The following SRPK2 variants were observed in gnomAD, a reference collection of about 807,000 sequenced individuals.
The protein encoded by SRPK2 is SRSF protein kinase 2, also known as SFRS protein kinase 2.
SRPK2 carries 21 observed loss-of-function variants against 90.8 expected under a neutral mutation model. The observed-to-expected ratio is 0.23, with a 90% CI of 0.16 to 0.33. The LOEUF is 0.33. Among genes scored for constraint, SRPK2 ranks in the 10% least tolerant of loss-of-function variants. The pLI is 1.00. For synonymous variants in SRPK2, 288 were observed against 311.1 expected, an observed-to-expected ratio of 0.93 and a Z score of 0.78; for missense variants, 620 against 869.0, an observed-to-expected ratio of 0.71 and a Z score of 3.60.
intron 2 of SRPK2, among the ~76,000 whole-genome samples, chr7:105,325,211 C>T (rs1344508517): frequency 6.6e-6 from 1 of 152,088 alleles, no homozygotes; most frequent in East Asian, 1.9e-4. Flanking sequence ...CACTAAAGAG[C>T]ACCTTTGAAA....
At position 105,133,093 on chromosome 7, in the gene SRPK2, C is replaced by A; in HGVS notation, c.1555G>T (p.Ala519Ser). Residue 519 changes from alanine (A) to serine (S), a missense_variant, in exon 12 of 16, where the codon GCA becomes TCA. By Grantham distance (99) the Ala-to-Ser change is moderately conservative. Coordinates refer to ENST00000393651, the MANE Select transcript of SRPK2 (RefSeq NM_182692.3). The stretch of plus-strand genomic sequence containing the variant: ...AGGGGATTCACCAACAAGTCAGCTG[C>A]CCGGGTTTTTGCTGGCATGAGCAAA... ...TGDLPKAKTR[A>S]ADLLVNPLDP... 1 of 1,614,164 alleles carries A rather than the reference C, an allele frequency of 6.2e-7. No individual in the cohort carries two copies. Among genetic ancestry groups the A allele is most frequent in the Non-Finnish European group, 8.5e-7 (1 of 1,180,026 alleles).
At chr7:105,211,585 C>T (rs1796870728) in intron 2 of SRPK2, among the ~76,000 whole-genome samples, 1 of 152,020 alleles carries the variant, frequency 6.6e-6, no homozygotes. Flanking sequence ...GTGCTACACA[C>T]TTTTAGAACA....
intron 2 of SRPK2, among the ~76,000 whole-genome samples, chr7:105,336,262 C>G (rs1390497134): frequency 6.6e-6 from 1 of 152,132 alleles, no homozygotes; most frequent in Non-Finnish European, 1.5e-5. Flanking sequence ...TACTAAACTA[C>G]TATGATAAAT....
intron 2 of SRPK2, among the ~76,000 whole-genome samples, chr7:105,273,187 C>A (rs1158846504): frequency 6.6e-6 from 1 of 151,638 alleles, no homozygotes; most frequent in African/African-American, 2.4e-5. Context: ...TGCACTCCAA[C>A]CTGGGTGACA....
downstream of SRPK2, chr7:105,115,144 T>C (rs1354617327): frequency 6.6e-6 from 1 of 152,216 alleles, no homozygotes; most frequent in Non-Finnish European, 1.5e-5. Context: ...TGATGAAGTA[T>C]ATACTCTAAA....
At chr7:105,298,478 T>C (rs1810134514) in intron 2 of SRPK2, among the ~76,000 whole-genome samples, 1 of 152,192 alleles carries the variant, frequency 6.6e-6, no homozygotes, top group African/African-American at 2.4e-5. Flanking sequence ...GAACCTAAGT[T>C]TCTGTTTCAC....
chr7:105,230,954 C>T (rs1799354011), intron 2 of SRPK2, among the ~76,000 whole-genome samples: 1 of 152,030 alleles, frequency 6.6e-6, no homozygotes, highest in South Asian at 2.1e-4. Flanking sequence ...TTTATTTTAA[C>T]TTTTAGGTTC....
chr7:105,239,435 T>C (rs747492087), intron 2 of SRPK2, among the ~76,000 whole-genome samples: 3 of 152,220 alleles, frequency 2.0e-5, no homozygotes, highest in African/African-American at 4.8e-5. Context: ...ACAAAGGACA[T>C]TTTTCCTAAA....
intron 2 of SRPK2, among the ~76,000 whole-genome samples, chr7:105,335,800 C>A (rs1018909909): frequency 2.0e-5 from 3 of 151,094 alleles, no homozygotes; most frequent in Admixed American, 1.3e-4. Flanking sequence ...CTAAAAAAAA[C>A]AAAAAATTAG....
intron 2 of SRPK2, among the ~76,000 whole-genome samples, chr7:105,324,008 T>TGG (rs1813257445): frequency 6.7e-6 from 1 of 148,630 alleles, no homozygotes; most frequent in East Asian, 2.0e-4. Flanking sequence ...TGTGTGTGTG[T>TGG]GTGTGTGTGG....
chr7:105,120,022 A>G (rs1272924261), intron 15 of SRPK2, among the ~76,000 whole-genome samples: 1 of 152,250 alleles, frequency 6.6e-6, no homozygotes, highest in African/African-American at 2.4e-5. Flanking sequence ...GCTCATTAAG[A>G]TGGAAATCAA....
intron 2 of SRPK2, among the ~76,000 whole-genome samples, chr7:105,382,108 C>G (rs571346822): frequency 6.6e-6 from 1 of 151,748 alleles, no homozygotes; most frequent in Non-Finnish European, 1.5e-5. Flanking sequence ...GTGGCAGGTG[C>G]AGTGAGCCAT....
At chr7:105,238,304 G>C (rs1268804682) in intron 2 of SRPK2, among the ~76,000 whole-genome samples, 1 of 152,188 alleles carries the variant, frequency 6.6e-6, no homozygotes, top group Non-Finnish European at 1.5e-5. Context: ...AAAAGATGCT[G>C]AGAAAAGTCT....
At chr7:105,114,760 C>CTATT (rs554188776), downstream of SRPK2, among the ~76,000 whole-genome samples, 6 of 152,160 alleles carry the variant, frequency 3.9e-5, no homozygotes, top group Admixed American at 1.3e-4. Flanking sequence ...CTTTGAACCT[C>CTATT]TATTTATTTC....
chr7:105,388,979 GCCC>G, upstream of SRPK2: 1 of 1,058,932 alleles, frequency 9.4e-7, no homozygotes, highest in Non-Finnish European at 1.1e-6. Context: ...CCCCCGTCCG[GCCC>G]CGCCCCCGCC....
At chr7:105,385,348 TTTTG>T (rs1333535533) in intron 2 of SRPK2, among the ~76,000 whole-genome samples, 3 of 150,096 alleles carry the variant, frequency 2.0e-5, no homozygotes, top group African/African-American at 4.9e-5. Context: ...GCCGGGCTAA[TTTTG>T]TTTTTGTATT....
chr7:105,192,513 A>G (rs1196397794), intron 3 of SRPK2, among the ~76,000 whole-genome samples: 1 of 152,224 alleles, frequency 6.6e-6, no homozygotes, highest in Non-Finnish European at 1.5e-5. Flanking sequence ...AACATGCATG[A>G]GCAAGTAACT....
intron 2 of SRPK2, among the ~76,000 whole-genome samples, chr7:105,322,503 G>T (rs1240626897): frequency 6.6e-6 from 1 of 152,124 alleles, no homozygotes; most frequent in Non-Finnish European, 1.5e-5. Flanking sequence ...TTATATAATT[G>T]CATTTACATG....
chr7:105,156,664 C>T (rs1584983269), intron 7 of SRPK2, among the ~76,000 whole-genome samples: 1 of 152,160 alleles, frequency 6.6e-6, no homozygotes, highest in South Asian at 2.1e-4. Flanking sequence ...TCATACCTGG[C>T]TAATTTTTAA....
Sources: allele counts gnomAD v4.1 joint callset (sites outside exome capture counted in the v4.1 genomes callset), GRCh38; gene constraint gnomAD v4.1.1; transcripts MANE v1.5; gene names NCBI Gene and HGNC (gene_info 2026-07-23, HGNC 2026-07-21).